RABGAP1: variants seen among roughly 807,000 people sequenced by gnomAD.
The protein encoded by RABGAP1 is RAB GTPase activating protein 1.
RABGAP1 carries 23 observed loss-of-function variants against 137.6 expected under a neutral mutation model. The observed-to-expected ratio is 0.17, with a 90% CI of 0.12 to 0.24. RABGAP1 has a LOEUF of 0.24. Among genes scored for constraint, RABGAP1 ranks in the 10% least tolerant of loss-of-function variants. RABGAP1 has a pLI of 1.00. For missense variants in RABGAP1, 906 were observed against 1,275.8 expected (o/e 0.71, Z 4.42); for synonymous variants, 451 against 450.7 (o/e 1.00, Z -0.01).
intron 13 of RABGAP1, among the ~76,000 whole-genome samples, chr9:123,025,324 A>G (rs951791986): frequency 2.0e-5 from 3 of 152,308 alleles, no homozygotes; most frequent in African/African-American, 7.2e-5. Flanking sequence ...TGTGAAAGCA[A>G]ATCTTTGTTT....
rs985306329 is a variant in RABGAP1 at position 122,942,108 on chromosome 9, C to T, written c.-50+1015C>T. 4.6e-5 allele frequency among the ~76,000 whole-genome samples: 7 copies of T among 152,210 alleles called. No individual in the cohort carries two copies. The South Asian group carries it at 6.2e-4, about 14-fold the overall frequency. On this transcript the variant is annotated intron_variant, in intron 1 of 25. Coordinates refer to ENST00000373647, the MANE Select transcript of RABGAP1 (RefSeq NM_012197.4). ...TTCACATGTATTTACAAACGTGTGC[C>T]TGGAGTAGTAAGTACACAATAAGTG...
At chr9:122,941,697 A>G (rs1833578783) in intron 1 of RABGAP1, among the ~76,000 whole-genome samples, 1 of 152,220 alleles carries the variant, frequency 6.6e-6, no homozygotes, top group Non-Finnish European at 1.5e-5. Context: ...CAGCTACCCC[A>G]GTACCTCATC....
intron 25 of RABGAP1, 100 bp from the exon 26 acceptor site, chr9:123,102,991 C>G: frequency 2.1e-6 from 3 of 1,443,266 alleles, no homozygotes; most frequent in South Asian, 3.0e-5. Flanking sequence ...CGAGGCCTCT[C>G]CAGAGTAAAT....
At chr9:122,985,586 C>T (rs1564379310) in intron 3 of RABGAP1, among the ~76,000 whole-genome samples, 1 of 129,508 alleles carries the variant, frequency 7.7e-6, no homozygotes, top group Non-Finnish European at 1.6e-5. Context: ...GCACTTCAGC[C>T]TGGCGACAGA....
intron 19 of RABGAP1, among the ~76,000 whole-genome samples, chr9:123,079,594 A>T (rs2034645292): frequency 6.6e-6 from 1 of 152,066 alleles, no homozygotes; most frequent in South Asian, 2.1e-4. Flanking sequence ...ATACATAAAG[A>T]TTCATTGGAT....
chr9:123,091,713 A>C (rs978849960), intron 21 of RABGAP1, among the ~76,000 whole-genome samples: 2 of 152,002 alleles, frequency 1.3e-5, no homozygotes, highest in Non-Finnish European at 2.9e-5. Context: ...TTTAACAGGG[A>C]AGGCTCCTCT....
At chr9:122,959,000 T>G (rs113552034) in intron 2 of RABGAP1, among the ~76,000 whole-genome samples, 92 of 152,112 alleles carry the variant, frequency 6.0e-4, no homozygotes, top group Non-Finnish European at 2.2e-4. Flanking sequence ...CAGAGTGAGA[T>G]CCTGTCTCAA....
Position 123,035,419 on chromosome 9 carries a change from G to T in RABGAP1, c.1794+14960G>T, listed in dbSNP as rs142528272. On this transcript the variant is annotated intron_variant, in intron 13 of 25. Coordinates refer to ENST00000373647, the MANE Select transcript of RABGAP1 (RefSeq NM_012197.4). ...CTCCACTGGCCACAGCAACCGCTTC[G>T]CATCCTTCTTGACCACCTGGCTTGC... 8 of 1,614,070 alleles carry T rather than the reference G, an allele frequency of 5.0e-6. No homozygotes were observed. The Admixed American group carries it at 1.0e-4, about 20-fold the overall frequency.
intron 18 of RABGAP1, 105 bp downstream of exon 18, chr9:123,076,391 C>A: frequency 7.7e-7 from 1 of 1,301,264 alleles, no homozygotes; most frequent in Non-Finnish European, 1.1e-6. Flanking sequence ...CTAGCATTAC[C>A]CATGACAGTG....
intron 11 of RABGAP1, among the ~76,000 whole-genome samples, chr9:123,011,075 T>C (rs1294661907): frequency 1.3e-5 from 2 of 152,138 alleles, no homozygotes; most frequent in Non-Finnish European, 2.9e-5. Flanking sequence ...ATAATTACCT[T>C]TTAATGAGGC....
chr9:123,022,648 G>A (rs894295552), intron 13 of RABGAP1, among the ~76,000 whole-genome samples: 5 of 151,878 alleles, frequency 3.3e-5, no homozygotes, highest in South Asian at 2.1e-4. Flanking sequence ...CTCATGATCC[G>A]CCCGCCTCGA....
intron 19 of RABGAP1, among the ~76,000 whole-genome samples, chr9:123,084,746 A>G (rs543947474): frequency 1.3e-5 from 2 of 152,352 alleles, no homozygotes; most frequent in East Asian, 1.9e-4. Flanking sequence ...ACTGTGTGCT[A>G]GGAACTTTTC....
intron 4 of RABGAP1, among the ~76,000 whole-genome samples, chr9:122,988,312 G>T (rs1323938079): frequency 6.6e-6 from 1 of 152,128 alleles, no homozygotes; most frequent in Middle Eastern, 3.2e-3. Flanking sequence ...CCCATTAATG[G>T]CTCTACCCAC....
chr9:122,995,290 T>C (rs1836957053), intron 6 of RABGAP1, among the ~76,000 whole-genome samples: 1 of 152,210 alleles, frequency 6.6e-6, no homozygotes, highest in Non-Finnish European at 1.5e-5. Context: ...TATTACTTTT[T>C]AAAGATACCT....
At chr9:123,059,182 G>T (rs1346516996) in intron 13 of RABGAP1, among the ~76,000 whole-genome samples, 1 of 152,192 alleles carries the variant, frequency 6.6e-6, no homozygotes, top group Non-Finnish European at 1.5e-5. Flanking sequence ...AGACACGGTT[G>T]TGCCAGTAGA....
At chr9:122,948,339 G>A (rs1254871394) in intron 1 of RABGAP1, among the ~76,000 whole-genome samples, 1 of 152,112 alleles carries the variant, frequency 6.6e-6, no homozygotes, top group Non-Finnish European at 1.5e-5. Flanking sequence ...TCGAGAGGGA[G>A]AGAGATGCAA....
Position 123,103,867 on chromosome 9 carries a change from A to G in RABGAP1, c.*654A>G, listed in dbSNP as rs2035418670. The G allele has an allele frequency of 6.6e-6, 1 of 151,504 alleles. No individual in the cohort carries two copies. Among genetic ancestry groups the G allele is most frequent in the African/African-American group, 2.4e-5 (1 of 41,128 alleles). 9.4% of individuals were successfully genotyped at this position (151,504 alleles called of 1,614,324 possible). ...ACTCTCATAGTTCCTGTTACTTTTT[A>G]GCATTAGCTGCCAAATGACTTCAAA... On this transcript the variant is annotated 3_prime_UTR_variant, in exon 26 of 26. Transcript: ENST00000373647.
intron 13 of RABGAP1, among the ~76,000 whole-genome samples, chr9:123,023,944 T>C (rs1218588712): frequency 6.6e-6 from 1 of 151,750 alleles, no homozygotes; most frequent in Non-Finnish European, 1.5e-5. Flanking sequence ...ATTTATAGAG[T>C]GAAGATCAAA....
At position 123,103,588 on chromosome 9, in the gene RABGAP1, C is replaced by CATATATATATATAT; in HGVS notation, c.*411_*424dup. ...TTCTAAACCTTTTTTTTTTAATATA[C>CATATATATATATAT]ATATATATATATATATATATATATA... On this transcript the variant is annotated 3_prime_UTR_variant, in exon 26 of 26. Coordinates refer to ENST00000373647, the MANE Select transcript of RABGAP1 (RefSeq NM_012197.4). 25 of 44,952 alleles carry CATATATATATATAT rather than the reference C, an allele frequency of 5.6e-4. No homozygotes were observed. Among genetic ancestry groups the CATATATATATATAT allele is most frequent in the South Asian group, 1.1e-3 (1 of 896 alleles). 2.8% of individuals were successfully genotyped at this position (44,952 alleles called of 1,614,324 possible).
Sources: allele counts gnomAD v4.1 joint callset (sites outside exome capture counted in the v4.1 genomes callset), GRCh38; gene constraint gnomAD v4.1.1; transcripts MANE v1.5; gene names NCBI Gene and HGNC (gene_info 2026-07-23, HGNC 2026-07-21).